Variants in BAG4 observed in about 807,000 individuals in gnomAD.
The protein encoded by BAG4 is BAG family molecular chaperone regulator 4.
A neutral mutation model predicts 52.1 loss-of-function variants in BAG4; 28 were observed. The observed-to-expected ratio is 0.54, with a 90% CI of 0.40 to 0.74. BAG4 has a LOEUF of 0.74. Ranked by LOEUF, BAG4 falls within the 30% of genes least tolerant of loss-of-function variation. The probability of loss-of-function intolerance (pLI) is 0.00; values close to 1 mark genes in which losing one functional copy is unlikely to be tolerated. For missense variants in BAG4, 525 were observed against 572.0 expected, an observed-to-expected ratio of 0.92 and a Z score of 0.84; for synonymous variants, 208 against 217.0, an observed-to-expected ratio of 0.96 and a Z score of 0.37.
intron 3 of BAG4, among the ~76,000 whole-genome samples, chr8:38,208,314 T>TTC (rs1196934266): frequency 6.8e-6 from 1 of 146,034 alleles, no homozygotes; most frequent in African/African-American, 2.5e-5. Flanking sequence ...GTTCTTTTTT[T>TTC]TTTTTTTTTT....
chr8:38,186,573 T>G (rs766296606), intron 1 of BAG4, among the ~76,000 whole-genome samples: 4 of 152,166 alleles, frequency 2.6e-5, no homozygotes, highest in Non-Finnish European at 4.4e-5. Flanking sequence ...GCTAGTTTGC[T>G]GGAGAGAACC....
intron 1 of BAG4, among the ~76,000 whole-genome samples, chr8:38,178,224 C>T (rs1003339861): frequency 2.1e-4 from 31 of 150,134 alleles, no homozygotes; most frequent in African/African-American, 7.1e-4. Flanking sequence ...GGTGCCATCT[C>T]GGCTCACTGC....
intron 1 of BAG4, among the ~76,000 whole-genome samples, chr8:38,179,953 C>CAAAA (rs1438705078): frequency 6.6e-6 from 1 of 152,000 alleles, no homozygotes; most frequent in Non-Finnish European, 1.5e-5. Flanking sequence ...TTATCAAAAC[C>CAAAA]AAAGTCTGTT....
Position 38,210,031 on chromosome 8 carries a change from A to G in BAG4, c.912A>G (p.Gln304=). The G allele has an allele frequency of 1.2e-6, 2 of 1,614,148 alleles. No individual in the cohort carries two copies. The change falls in exon 5 of 5, where the codon CAA becomes CAG. Residue 304 remains glutamine (Q), a synonymous_variant. Transcript: ENST00000287322. ...QPKDSSYPYS[Q]SDQSMNRHNF... ...AGGATTCTTCATACCCCTATAGCCA[A>G]TCAGATCAAAGCATGAACCGGCACA...
At chr8:38,183,832 G>T (rs1047460741) in intron 1 of BAG4, among the ~76,000 whole-genome samples, 3 of 152,066 alleles carry the variant, frequency 2.0e-5, no homozygotes, top group African/African-American at 7.2e-5. Flanking sequence ...ATGACCCATT[G>T]ATTTTTGATA....
At chr8:38,183,154 C>T (rs936645540) in intron 1 of BAG4, among the ~76,000 whole-genome samples, 12 of 151,286 alleles carry the variant, frequency 7.9e-5, no homozygotes, top group Non-Finnish European at 4.4e-5. Context: ...ATGCCATTCT[C>T]CCACTTCAGC....
At chr8:38,199,190 G>A (rs1314924812) in intron 2 of BAG4, among the ~76,000 whole-genome samples, 1 of 152,198 alleles carries the variant, frequency 6.6e-6, no homozygotes, top group Admixed American at 6.5e-5. Flanking sequence ...AAACAGGTGA[G>A]TAATGCATTG....
intron 3 of BAG4, 51 bp downstream of exon 3, chr8:38,207,817 G>A: frequency 6.3e-7 from 1 of 1,595,762 alleles, no homozygotes; most frequent in Non-Finnish European, 8.6e-7. Flanking sequence ...TCTGCCTCTT[G>A]TAAACAGTGG....
At chr8:38,200,224 C>A (rs1803637950) in intron 2 of BAG4, among the ~76,000 whole-genome samples, 1 of 151,936 alleles carries the variant, frequency 6.6e-6, no homozygotes, top group Non-Finnish European at 1.5e-5. Context: ...ACAGGCTGAT[C>A]TGGATCGCCT....
At chr8:38,189,730 C>T (rs1220440457) in intron 1 of BAG4, among the ~76,000 whole-genome samples, 5 of 152,158 alleles carry the variant, frequency 3.3e-5, no homozygotes, top group South Asian at 2.1e-4. Flanking sequence ...GAATTTGCAG[C>T]GACTCCTAAA....
Position 38,200,716 on chromosome 8 carries a change from A to G in BAG4, c.379-6796A>G, listed in dbSNP as rs575868996. On this transcript the variant is annotated intron_variant, in intron 2 of 4. Coordinates refer to ENST00000287322, the MANE Select transcript of BAG4 (RefSeq NM_004874.4). ...CGAGTTCAAGCCATTCTCCTGTCTC[A>G]GCCTCTGGAGTAGCTGGGATTACAG... Among the ~76,000 whole-genome samples the G allele has an allele frequency of 1.3e-4, 20 of 151,978 alleles. No individual in the cohort carries two copies. The East Asian group carries it at 3.7e-3, about 28-fold the overall frequency.
chr8:38,178,317 G>T (rs1047641199), intron 1 of BAG4, among the ~76,000 whole-genome samples: 10 of 152,206 alleles, frequency 6.6e-5, no homozygotes, highest in African/African-American at 2.2e-4. Flanking sequence ...ATCACACCCG[G>T]CTAATTTTTG....
rs972160154 is a variant in BAG4, at chr8:38,189,863, G to A, written c.271-2825G>A. The stretch of plus-strand genomic sequence containing the variant: ...GACGGAGTCTCCCTCTGTTGCCCAG[G>A]CTGGAGTGCAGTGGCGTGATCTAGG... On this transcript the variant is annotated intron_variant, in intron 1 of 4. Coordinates refer to ENST00000287322, the MANE Select transcript of BAG4 (RefSeq NM_004874.4). 2.6e-5 allele frequency among the ~76,000 whole-genome samples: 4 copies of A among 152,030 alleles called. No individual in the cohort carries two copies. The South Asian group carries it at 6.2e-4, about 24-fold the overall frequency.
intron 3 of BAG4, 46 bp downstream of exon 3, chr8:38,207,812 C>T: frequency 1.9e-6 from 3 of 1,601,170 alleles, no homozygotes; most frequent in South Asian, 1.1e-5. Flanking sequence ...AAGTCTCTGC[C>T]TCTTGTAAAC....
At chr8:38,189,158 C>T (rs544097020) in intron 1 of BAG4, among the ~76,000 whole-genome samples, 13 of 152,070 alleles carry the variant, frequency 8.5e-5, no homozygotes, top group African/African-American at 2.4e-4. Flanking sequence ...TGGGCCCGGC[C>T]GGTCTTGAAC....
intron 2 of BAG4, among the ~76,000 whole-genome samples, chr8:38,196,783 T>G (rs1316137372): frequency 6.6e-6 from 1 of 150,508 alleles, no homozygotes; most frequent in African/African-American, 2.4e-5. Context: ...AAATGTCTAT[T>G]TAGATTCTTT....
At position 38,213,074 on chromosome 8, in the gene BAG4, T is replaced by C. The variant is rs1475955961; in HGVS notation, c.*2581T>C. 4 of 152,228 alleles carry C rather than the reference T, an allele frequency of 2.6e-5. No homozygotes were observed. Among genetic ancestry groups the C allele is most frequent in the African/African-American group, 7.2e-5 (3 of 41,466 alleles). The allele number at this position is 152,228 out of a possible 1,614,324, so 9.4% of individuals were successfully genotyped here. A position where few individuals can be genotyped will look rare whatever the true frequency, so the allele number is the denominator to read the frequency against. ...TCCAAATACCAATATCAAAGAAAAC[T>C]AAGTTGGTAATCTATCTCAGAAAAT... On this transcript the variant is annotated 3_prime_UTR_variant, in exon 5 of 5. Transcript: ENST00000287322.
chr8:38,195,777 A>G (rs1803551824), intron 2 of BAG4, among the ~76,000 whole-genome samples: 1 of 152,182 alleles, frequency 6.6e-6, no homozygotes, highest in African/African-American at 2.4e-5. Context: ...TTGGCCACAT[A>G]CTATAAAATC....
At chr8:38,189,393 G>A (rs1803430690) in intron 1 of BAG4, among the ~76,000 whole-genome samples, 2 of 152,140 alleles carry the variant, frequency 1.3e-5, no homozygotes, top group Admixed American at 1.3e-4. Context: ...CACTGAGGAC[G>A]TACAGTCAAA....
Sources: allele counts gnomAD v4.1 joint callset (sites outside exome capture counted in the v4.1 genomes callset), GRCh38; gene constraint gnomAD v4.1.1; transcripts MANE v1.5; gene names NCBI Gene and HGNC (gene_info 2026-07-23, HGNC 2026-07-21).